Variants in NRXN1 observed in about 807,000 individuals in gnomAD.
NRXN1 encodes the protein neurexin 1.
NRXN1 carries 39 observed loss-of-function variants against 150.9 expected under a neutral mutation model. That is an observed-to-expected ratio of 0.26 (90% CI 0.20 to 0.34). NRXN1 has a LOEUF of 0.34. Ranked by LOEUF, NRXN1 falls within the 10% of genes least tolerant of loss-of-function variation. The pLI, the probability that NRXN1 is intolerant of heterozygous loss-of-function variation, is 1.00. For missense variants in NRXN1, 1,815 were observed against 1,949.9 expected (o/e 0.93, Z 1.30); for synonymous variants, 924 against 757.0 (o/e 1.22, Z -3.62).
intron 5 of NRXN1, among the ~76,000 whole-genome samples, chr2:50,683,734 TA>T (rs1436136291): frequency 6.9e-6 from 1 of 144,902 alleles, no homozygotes; most frequent in African/African-American, 2.5e-5. Flanking sequence ...CAGCTTTACA[TA>T]CTTCAGCTGC....
At chr2:50,228,271 T>C (rs1460927622) in intron 18 of NRXN1, among the ~76,000 whole-genome samples, 4 of 152,074 alleles carry the variant, frequency 2.6e-5, no homozygotes, top group Non-Finnish European at 4.4e-5. Context: ...AATTCCATCT[T>C]TTTTTCCTTT....
At chr2:50,030,817 A>G (rs1398556931) in intron 21 of NRXN1, among the ~76,000 whole-genome samples, 2 of 152,122 alleles carry the variant, frequency 1.3e-5, no homozygotes, top group East Asian at 3.8e-4. Context: ...TGCTTTACTC[A>G]AGAGTTTTCT....
chr2:50,165,709 G>C (rs375523668), intron 18 of NRXN1, among the ~76,000 whole-genome samples: 96 of 152,096 alleles, frequency 6.3e-4, no homozygotes, highest in African/African-American at 2.1e-3. Flanking sequence ...TGCAAAATGA[G>C]AACAATGTGC....
In NRXN1 at chr2:50,346,799, C is replaced by T. The variant is rs201698370; in HGVS notation, c.3365-109829G>A. On this transcript the variant is annotated intron_variant, in intron 17 of 22. Transcript: ENST00000401669. The surrounding 1 kb of genome is among the most constrained non-coding windows in gnomAD (Gnocchi z 5.0). ...ATGTGGTGCGCTCCCAAACTGGATG[C>T]CCCCCACGCCACTCCTAGGAGGCCG... is the stretch of plus-strand genomic sequence containing the variant. 6.2e-6 allele frequency: 10 copies of T among 1,613,142 alleles called. No homozygotes were observed. The highest frequency in any genetic ancestry group is 1.3e-5 in the African/African-American group (1 of 74,892).
At chr2:50,200,452 A>G (rs1167319961) in intron 18 of NRXN1, among the ~76,000 whole-genome samples, 2 of 152,162 alleles carry the variant, frequency 1.3e-5, no homozygotes, top group Non-Finnish European at 2.9e-5. Flanking sequence ...GAATAAAAAC[A>G]TAATTGTGAG....
intron 5 of NRXN1, among the ~76,000 whole-genome samples, chr2:50,836,522 T>G (rs2105910009): frequency 6.6e-6 from 1 of 152,198 alleles, no homozygotes; most frequent in Non-Finnish European, 1.5e-5. Context: ...TTCTACTCTT[T>G]ATGACTTCAC....
chr2:50,578,801 A>C (rs1262734299), intron 8 of NRXN1, among the ~76,000 whole-genome samples: 1 of 152,158 alleles, frequency 6.6e-6, no homozygotes, highest in Non-Finnish European at 1.5e-5. Flanking sequence ...CTAGATCTAG[A>C]TCTAGACAGG....
rs986484700 is a variant in NRXN1 at position 50,071,141 on chromosome 2, T to A, written c.3719-16097A>T. Among the ~76,000 whole-genome samples, 6 of 152,346 alleles carry A rather than the reference T, an allele frequency of 3.9e-5. No homozygotes were observed. The South Asian group carries it at 1.2e-3, about 32-fold the overall frequency. On this transcript the variant is annotated intron_variant, in intron 19 of 22. Transcript: ENST00000401669. Reference sequence around the variant, plus strand: ...AGATCTACAGTTAGGCTGTGTCATATACAAGAAGAAGCCTGAACTAACTAG... The same window carrying A: ...AGATCTACAGTTAGGCTGTGTCATAAACAAGAAGAAGCCTGAACTAACTAG...
intron 18 of NRXN1, among the ~76,000 whole-genome samples, chr2:50,223,741 C>T (rs523003): frequency 0.41 from 62,781 of 151,684 alleles, 13,163 homozygotes; most frequent in Middle Eastern, 0.46. Flanking sequence ...TTTCTCTGAC[C>T]TCATTTACAT....
intron 17 of NRXN1, among the ~76,000 whole-genome samples, chr2:50,290,268 CA>C (rs2072747006): frequency 6.6e-6 from 1 of 152,106 alleles, no homozygotes; most frequent in African/African-American, 2.4e-5. Context: ...TTCATTTACC[CA>C]ATACTTCGCC....
chr2:50,640,140 G>C (rs890708827), intron 5 of NRXN1, among the ~76,000 whole-genome samples: 3 of 152,070 alleles, frequency 2.0e-5, no homozygotes, highest in African/African-American at 7.2e-5. Flanking sequence ...TTAAAAAATA[G>C]CAATGCCTTG....
chr2:50,030,567 T>A (rs1265978723), intron 21 of NRXN1, among the ~76,000 whole-genome samples: 1 of 152,156 alleles, frequency 6.6e-6, no homozygotes, highest in East Asian at 1.9e-4. Context: ...ACACTTTGTT[T>A]CTTCAGAGTT....
At chr2:49,994,987 C>A (rs971905252) in intron 21 of NRXN1, among the ~76,000 whole-genome samples, 1 of 152,098 alleles carries the variant, frequency 6.6e-6, no homozygotes, top group African/African-American at 2.4e-5. Flanking sequence ...CTCATAATTT[C>A]ACCCAACTCA....
chr2:50,841,020 C>G (rs1390562565), intron 5 of NRXN1: 2 of 152,564 alleles, frequency 1.3e-5, no homozygotes, highest in Non-Finnish European at 2.9e-5. Flanking sequence ...AACGTTGCTT[C>G]TGCCCCTCTG....
intron 17 of NRXN1, among the ~76,000 whole-genome samples, chr2:50,391,517 G>A (rs957546939): frequency 6.6e-6 from 1 of 152,068 alleles, no homozygotes; most frequent in Non-Finnish European, 1.5e-5. Context: ...TTAAAATATA[G>A]TTATTAGGGA....
intron 5 of NRXN1, among the ~76,000 whole-genome samples, chr2:50,843,951 C>T (rs967301002): frequency 6.6e-6 from 1 of 152,092 alleles, no homozygotes; most frequent in Admixed American, 6.6e-5. Flanking sequence ...AACCAAACTT[C>T]CAACTGTCAA....
intron 21 of NRXN1, among the ~76,000 whole-genome samples, chr2:50,002,394 A>G (rs1311460971): frequency 1.3e-5 from 2 of 152,164 alleles, no homozygotes. Flanking sequence ...ATTGTAAAGT[A>G]CATTTAGGAC....
chr2:50,639,431 G>C (rs963865008), intron 5 of NRXN1, among the ~76,000 whole-genome samples: 1 of 151,686 alleles, frequency 6.6e-6, no homozygotes, highest in Non-Finnish European at 1.5e-5. Context: ...ATGTTGGCCA[G>C]GCTGGTCTCG....
chr2:50,748,491 T>A (rs1157774295), intron 5 of NRXN1, among the ~76,000 whole-genome samples: 1 of 152,160 alleles, frequency 6.6e-6, no homozygotes, highest in Non-Finnish European at 1.5e-5. Flanking sequence ...CAGCCTTTCA[T>A]ATTTAGTACT....
Sources: allele counts gnomAD v4.1 joint callset (sites outside exome capture counted in the v4.1 genomes callset), GRCh38; gene constraint gnomAD v4.1.1; non-coding constraint Gnocchi (gnomAD v3.1); transcripts MANE v1.5; gene names NCBI Gene and HGNC (gene_info 2026-07-23, HGNC 2026-07-21).